PIEZO2: variants seen among roughly 807,000 people sequenced by gnomAD.
PIEZO2 encodes the protein piezo-type mechanosensitive ion channel component 2.
PIEZO2 carries 172 observed loss-of-function variants against 337.3 expected under a neutral mutation model. That is an observed-to-expected ratio of 0.51 (90% confidence interval 0.45 to 0.58). The LOEUF is 0.58. Among genes scored for constraint, PIEZO2 ranks in the 20% least tolerant of loss-of-function variants. PIEZO2 has a pLI of 0.00. For missense variants in PIEZO2, 3,028 were observed against 3,391.3 expected (o/e 0.89, Z 2.66); for synonymous variants, 1,251 against 1,228.5 (o/e 1.02, Z -0.38).
chr18:11,117,816 G>A (rs758380480), intron 1 of PIEZO2, among the ~76,000 whole-genome samples: 2 of 152,152 alleles, frequency 1.3e-5, no homozygotes, highest in African/African-American at 2.4e-5. Flanking sequence ...GTCCCACAGA[G>A]GAGTATGAAG....
In PIEZO2 at chr18:10,813,852, G is replaced by A. The variant is rs188073078; in HGVS notation, c.918-6578C>T. Among the ~76,000 whole-genome samples the A allele has an allele frequency of 2.2e-4, 33 of 152,200 alleles. No homozygotes were observed. The East Asian group carries it at 4.3e-3, about 20-fold the overall frequency. ...ATACTGTTTTCCATCAGTGCTGCCC[G>A]ATTTTACATTCCCACCAGCAGTGCA... On this transcript the variant is annotated intron_variant, in intron 7 of 55. Coordinates refer to ENST00000674853, the MANE Select transcript of PIEZO2 (RefSeq NM_001378183.1). The surrounding 1 kb of genome is among the most constrained non-coding windows in gnomAD (Gnocchi z 4.2).
rs1567988465 is a variant in PIEZO2, at chr18:10,724,971, C to A, written c.5029+6436G>T. ...GGCGCACCCTGCGGCCTGCAGCCTC[C>A]CTGCCTCACATTACTAAGACTCAAA... On this transcript the variant is annotated intron_variant, in intron 36 of 55. Transcript: ENST00000674853. This position sits in a 1 kb window ranked among gnomAD's most constrained non-coding sequence, Gnocchi z 5.8. 7 of 1,584,694 alleles carry A rather than the reference C, an allele frequency of 4.4e-6. No homozygotes were observed. In the South Asian group the frequency reaches 5.6e-5, roughly 13 times the overall value.
chr18:10,887,484 A>G (rs1319218148), intron 4 of PIEZO2, among the ~76,000 whole-genome samples: 1 of 152,150 alleles, frequency 6.6e-6, no homozygotes. Flanking sequence ...CTCCACCTCC[A>G]GCATTGGGGA....
chr18:11,061,147 A>G (rs1272009336), intron 2 of PIEZO2, among the ~76,000 whole-genome samples: 2 of 152,230 alleles, frequency 1.3e-5, no homozygotes, highest in Non-Finnish European at 2.9e-5. Flanking sequence ...AGAACCAATG[A>G]CAAAAACCGT....
In PIEZO2 at chr18:10,746,821, G is replaced by T. The variant is rs963432555; in HGVS notation, c.4424+1650C>A. ...TGAATCTGCTCGAACCTTGATGTTG[G>T]ACTTTCCAGCCTGTGGAACTGTAAG... On this transcript the variant is annotated intron_variant, in intron 30 of 55. Transcript: ENST00000674853. This position sits in a 1 kb window ranked among gnomAD's most constrained non-coding sequence, Gnocchi z 4.2. Among the ~76,000 whole-genome samples the T allele has an allele frequency of 1.3e-5, 2 of 152,182 alleles. No individual in the cohort carries two copies. Among genetic ancestry groups the T allele is most frequent in the South Asian group, 2.1e-4 (1 of 4,832 alleles).
chr18:10,955,812 A>G (rs1196330552), intron 3 of PIEZO2, among the ~76,000 whole-genome samples: 1 of 152,134 alleles, frequency 6.6e-6, no homozygotes, highest in Non-Finnish European at 1.5e-5. Flanking sequence ...GCTTGTTTTT[A>G]TATGTTTTCC....
rs969687069 is a variant in PIEZO2, at chr18:11,009,752, A to G, written c.161-30092T>C. On this transcript the variant is annotated intron_variant, in intron 2 of 55. Coordinates refer to ENST00000674853, the MANE Select transcript of PIEZO2 (RefSeq NM_001378183.1). The surrounding 1 kb of genome is among the most constrained non-coding windows in gnomAD (Gnocchi z 4.6). ...TTTGAGATAGGGCCTTTAAAGAGGT[A>G]ATTCAGGTAGCACGAGGTCATAGAG... is the stretch of plus-strand genomic sequence containing the variant. 6.6e-6 allele frequency among the ~76,000 whole-genome samples: 1 copy of G among 152,146 alleles called. No individual in the cohort carries two copies. The highest frequency in any genetic ancestry group is 1.5e-5 in the Non-Finnish European group (1 of 68,028).
rs8099719 is a variant in PIEZO2, at chr18:10,675,405, A to G, written c.8082-117T>C. The stretch of plus-strand genomic sequence containing the variant: ...CCAAATAATAGTGAAAGTTTCATAT[A>G]TCTGTACAATGTGTAGACATCATAA... On this transcript the variant is annotated intron_variant, in intron 53 of 55. Coordinates refer to ENST00000674853, the MANE Select transcript of PIEZO2 (RefSeq NM_001378183.1). 0.019 allele frequency: 10,978 copies of G among 570,672 alleles called. 912 individuals carry two copies. Among genetic ancestry groups the G allele is most frequent in the African/African-American group, 0.19 (9,601 of 51,764 alleles). The allele number at this position is 570,672 out of a possible 1,614,324, so 35.4% of individuals were successfully genotyped here. A position where few individuals can be genotyped will look rare whatever the true frequency, so the allele number is the denominator to read the frequency against.
rs1358877391 is a variant in PIEZO2 at position 10,847,026 on chromosome 18, T to C, written c.917+8327A>G. Among the ~76,000 whole-genome samples the C allele has an allele frequency of 6.6e-6, 1 of 152,170 alleles. No individual in the cohort carries two copies. Among genetic ancestry groups the C allele is most frequent in the Non-Finnish European group, 1.5e-5 (1 of 68,032 alleles). ...GCTGGGCACTATCTTCACCCCTATTTTATAAATAAGGAAACAGAGGTACAG... is the reference window on the plus strand; with the variant it reads ...GCTGGGCACTATCTTCACCCCTATTCTATAAATAAGGAAACAGAGGTACAG... On this transcript the variant is annotated intron_variant, in intron 7 of 55. Coordinates refer to ENST00000674853, the MANE Select transcript of PIEZO2 (RefSeq NM_001378183.1). This position sits in a 1 kb window ranked among gnomAD's most constrained non-coding sequence, Gnocchi z 5.7.
At position 10,707,853 on chromosome 18, in the gene PIEZO2, T is replaced by C. The variant is rs548920833; in HGVS notation, c.5588+422A>G. On this transcript the variant is annotated intron_variant, in intron 40 of 55. Transcript: ENST00000674853. This position sits in a 1 kb window ranked among gnomAD's most constrained non-coding sequence, Gnocchi z 4.2. ...TGACTACCTATGATAGATTTTTAGA[T>C]TTTTTTCCTACTGCATGCATCTTTT... is the stretch of plus-strand genomic sequence containing the variant. 3.1e-4 allele frequency among the ~76,000 whole-genome samples: 47 copies of C among 152,314 alleles called. No homozygotes were observed. In the South Asian group the frequency reaches 9.7e-3, roughly 32 times the overall value.
At chr18:10,749,618 T>C (rs1050628105) in intron 29 of PIEZO2, among the ~76,000 whole-genome samples, 5 of 152,164 alleles carry the variant, frequency 3.3e-5, no homozygotes, top group African/African-American at 4.8e-5. Flanking sequence ...ACTTCTGCCT[T>C]TGTCTTGGCA....
intron 2 of PIEZO2, among the ~76,000 whole-genome samples, chr18:11,006,296 T>A (rs1187313168): frequency 6.6e-6 from 1 of 152,178 alleles, no homozygotes; most frequent in African/African-American, 2.4e-5. Context: ...GAATTCCCAA[T>A]GCAAAGAAAA....
rs773994726 is a variant in PIEZO2 at position 10,742,608 on chromosome 18, G to A, written c.4522C>T (p.Arg1508Cys). The A allele has an allele frequency of 2.0e-5, 30 of 1,536,770 alleles. No homozygotes were observed. The highest frequency in any genetic ancestry group is 1.6e-4 in the African/African-American group (12 of 72,964). Reference protein sequence around the residue: ...SMDQLKRQMDRIKARQQKYKK... With the variant: ...SMDQLKRQMDCIKARQQKYKK... ...TATTTCTGTTGCCTGGCCTTGATGC[G>A]ATCCATCCTATAAAGTAAAATAACA... Residue 1508 changes from arginine to cysteine, a missense_variant, in exon 32 of 56, where the codon CGC becomes TGC. This residue lies in a region of PIEZO2 where 1,925 missense variants were observed against 2,051.9 expected (regional missense o/e 0.94). Coordinates refer to ENST00000674853, the MANE Select transcript of PIEZO2 (RefSeq NM_001378183.1).
chr18:10,738,176 T>A (rs1303495519), intron 33 of PIEZO2: 1 of 152,214 alleles, frequency 6.6e-6, no homozygotes, highest in Non-Finnish European at 1.5e-5. Flanking sequence ...GCATTACATT[T>A]GATAGTGAAG....
At chr18:10,739,560 A>C (rs551603910) in intron 33 of PIEZO2, 1 of 152,356 alleles carries the variant, frequency 6.6e-6, no homozygotes, top group South Asian at 2.1e-4. Flanking sequence ...GTCTCTCTAA[A>C]TTAGCAGAGG....
intron 30 of PIEZO2, among the ~76,000 whole-genome samples, chr18:10,745,785 G>A (rs2037399449): frequency 6.6e-6 from 1 of 152,054 alleles, no homozygotes; most frequent in South Asian, 2.1e-4. Context: ...GTGTGATGAT[G>A]GCACTCCATC....
chr18:10,711,089 T>C (rs2035802189), intron 39 of PIEZO2, among the ~76,000 whole-genome samples: 1 of 152,234 alleles, frequency 6.6e-6, no homozygotes, highest in Non-Finnish European at 1.5e-5. Flanking sequence ...AATCGATGAA[T>C]TTAAATATCT....
Position 10,834,340 on chromosome 18 carries a change from A to G in PIEZO2, c.917+21013T>C, listed in dbSNP as rs921821850. Reference sequence around the variant, plus strand: ...CAATTTTCCTGTCTTTAGAATGGGCATAATAAAGTAGACCACACCTTATGG... The same window carrying G: ...CAATTTTCCTGTCTTTAGAATGGGCGTAATAAAGTAGACCACACCTTATGG... On this transcript the variant is annotated intron_variant, in intron 7 of 55. Transcript: ENST00000674853. The surrounding 1 kb of genome is among the most constrained non-coding windows in gnomAD (Gnocchi z 4.5). 6.6e-6 allele frequency among the ~76,000 whole-genome samples: 1 copy of G among 152,232 alleles called. No individual in the cohort carries two copies. Among genetic ancestry groups the G allele is most frequent in the Non-Finnish European group, 1.5e-5 (1 of 68,044 alleles).
Position 10,716,224 on chromosome 18 carries a change from C to A in PIEZO2, c.5090-408G>T, listed in dbSNP as rs1449335271. Reference sequence around the variant, plus strand: ...CCTCCACCTCTGCTGCCTCTGCCACCCCTAATACAGAAAAACCAACCCCTC... The same window carrying A: ...CCTCCACCTCTGCTGCCTCTGCCACACCTAATACAGAAAAACCAACCCCTC... On this transcript the variant is annotated intron_variant, in intron 37 of 55. Transcript: ENST00000674853. This position sits in a 1 kb window ranked among gnomAD's most constrained non-coding sequence, Gnocchi z 4.1. Among the ~76,000 whole-genome samples the A allele has an allele frequency of 6.6e-6, 1 of 152,120 alleles. No individual in the cohort carries two copies. Among genetic ancestry groups the A allele is most frequent in the Non-Finnish European group, 1.5e-5 (1 of 68,022 alleles).
Sources: allele counts gnomAD v4.1 joint callset (sites outside exome capture counted in the v4.1 genomes callset), GRCh38; gene constraint gnomAD v4.1.1; regional missense constraint gnomAD v4.1.1; non-coding constraint Gnocchi (gnomAD v3.1); transcripts MANE v1.5; gene names NCBI Gene and HGNC (gene_info 2026-07-23, HGNC 2026-07-21).